Variants in CXCL17 observed in about 807,000 individuals in gnomAD.
CXCL17 encodes C-X-C motif chemokine 17.
A neutral mutation model predicts 15.5 loss-of-function variants in CXCL17; 9 were observed. The observed-to-expected ratio is 0.58, with a 90% CI of 0.35 to 1.01. The LOEUF is 1.01. CXCL17 is among the 50% of genes least tolerant of loss of function. CXCL17 has a pLI of 0.02. For synonymous variants in CXCL17, 52 were observed against 52.3 expected (o/e 0.99, Z 0.02); for missense variants, 133 against 138.2 (o/e 0.96, Z 0.19).
chr19:42,433,010 GGGGCACTGCTTC>G lies in CXCL17; in HGVS notation c.216_227del (p.Lys72_Pro76delinsAsn), dbSNP rs2147694125. On this transcript the variant is annotated inframe_deletion, in exon 3 of 4. Coordinates refer to ENST00000601181, the MANE Select transcript of CXCL17 (RefSeq NM_198477.3). ...TCACATTGCCCTTGAAATGATCACA[GGGGCACTGCTTC>G]TTTGGCAGCCCAGACACTGTCATGA... 1 of 1,613,996 alleles carries G rather than the reference GGGGCACTGCTTC, an allele frequency of 6.2e-7. No homozygotes were observed. The highest frequency in any genetic ancestry group is 1.1e-5 in the South Asian group (1 of 91,072).
Position 42,432,523 on chromosome 19 carries a change from C to A in CXCL17, c.262+453G>T, listed in dbSNP as rs562430963. 9.9e-5 allele frequency among the ~76,000 whole-genome samples: 15 copies of A among 152,194 alleles called. No homozygotes were observed. The South Asian group carries it at 3.1e-3, about 32-fold the overall frequency. On this transcript the variant is annotated intron_variant, in intron 3 of 3. Coordinates refer to ENST00000601181, the MANE Select transcript of CXCL17 (RefSeq NM_198477.3). The stretch of plus-strand genomic sequence containing the variant: ...GTGGTGTGTACCTCTAACCCCAGAT[C>A]CTTGGGAGGCTGTGGTGGAAGGATC...
At chr19:42,435,903 A>G (rs2040830281) in intron 1 of CXCL17, among the ~76,000 whole-genome samples, 2 of 151,380 alleles carry the variant, frequency 1.3e-5, no homozygotes, top group South Asian at 4.2e-4. Context: ...AGATAAGAGG[A>G]GAAGTCCACT....
At chr19:42,435,512 A>C (rs995780216) in intron 1 of CXCL17, among the ~76,000 whole-genome samples, 4 of 151,888 alleles carry the variant, frequency 2.6e-5, no homozygotes, top group African/African-American at 9.7e-5. Context: ...TGGGCCCTAC[A>C]CCAGTCTGCC....
intron 1 of CXCL17, among the ~76,000 whole-genome samples, chr19:42,441,626 G>T (rs369759933): frequency 1.3e-5 from 2 of 152,154 alleles, no homozygotes; most frequent in Non-Finnish European, 2.9e-5. Context: ...CAAAGGAGGG[G>T]ATGTTGGAAA....
chr19:42,432,226 C>T (rs2040790148), intron 3 of CXCL17, among the ~76,000 whole-genome samples: 2 of 145,798 alleles, frequency 1.4e-5, no homozygotes, highest in African/African-American at 5.1e-5. Flanking sequence ...CTCTCTGCAA[C>T]CTCCACCTCC....
chr19:42,430,236 C>G (rs758972284), intron 3 of CXCL17, among the ~76,000 whole-genome samples: 10 of 152,054 alleles, frequency 6.6e-5, no homozygotes, highest in Non-Finnish European at 1.3e-4. Context: ...TCATAGAAAC[C>G]TATACATGCA....
chr19:42,433,268 C>CTTTGGGCAAGGTTTGGGCAAGGG (rs2040801391), intron 2 of CXCL17, among the ~76,000 whole-genome samples, 191 bp from the exon 3 acceptor site: 1 of 152,132 alleles, frequency 6.6e-6, no homozygotes, highest in African/African-American at 2.4e-5. Context: ...TTCCTGACAA[C>CTTTGGGCAAGGTTTGGGCAAGGG]TTTGGGCAAG....
chr19:42,436,918 T>A (rs1340807273), intron 1 of CXCL17, among the ~76,000 whole-genome samples: 2 of 152,174 alleles, frequency 1.3e-5, no homozygotes, highest in Non-Finnish European at 2.9e-5. Flanking sequence ...TACTAATGTT[T>A]AAATTTTTTT....
chr19:42,441,348 G>A (rs186634293), intron 1 of CXCL17, among the ~76,000 whole-genome samples: 22 of 152,306 alleles, frequency 1.4e-4, no homozygotes, highest in Non-Finnish European at 2.6e-4. Context: ...AGGTGGTTTT[G>A]AGCTGGGTGT....
intron 1 of CXCL17, among the ~76,000 whole-genome samples, chr19:42,434,164 G>A (rs73556356): frequency 0.073 from 11,061 of 152,014 alleles, 1,301 homozygotes; most frequent in African/African-American, 0.25. Flanking sequence ...AGGGATTGAG[G>A]TTTAAAATCT....
intron 1 of CXCL17, among the ~76,000 whole-genome samples, chr19:42,436,848 A>G (rs1448923275): frequency 1.3e-5 from 2 of 152,172 alleles, no homozygotes; most frequent in Non-Finnish European, 2.9e-5. Context: ...TTTTCTTGAG[A>G]GAGAGTTCCC....
intron 1 of CXCL17, among the ~76,000 whole-genome samples, chr19:42,437,266 T>C (rs1384256960): frequency 6.6e-6 from 1 of 152,206 alleles, no homozygotes; most frequent in Non-Finnish European, 1.5e-5. Flanking sequence ...AACAAATTTA[T>C]TTTGCAAAAC....
At chr19:42,439,946 A>G (rs2040875325) in intron 1 of CXCL17, among the ~76,000 whole-genome samples, 1 of 152,180 alleles carries the variant, frequency 6.6e-6, no homozygotes, top group Admixed American at 6.6e-5. Context: ...AGATTAGTTA[A>G]TATTATGGTA....
rs1200315208 is a variant in CXCL17, at chr19:42,431,919, A to G, written c.262+1057T>C. ...ATTTCCCCCATTTATTTGTCAATACAAATACTGCTATAATTAATATTCTTG... is the reference window on the plus strand; with the variant it reads ...ATTTCCCCCATTTATTTGTCAATACGAATACTGCTATAATTAATATTCTTG... On this transcript the variant is annotated intron_variant, in intron 3 of 3. Transcript: ENST00000601181. 2.0e-5 allele frequency among the ~76,000 whole-genome samples: 3 copies of G among 151,554 alleles called. No homozygotes were observed. In the East Asian group the frequency reaches 5.8e-4, roughly 29 times the overall value.
chr19:42,439,625 A>G (rs1051980464), intron 1 of CXCL17, among the ~76,000 whole-genome samples: 2 of 152,220 alleles, frequency 1.3e-5, no homozygotes, highest in African/African-American at 4.8e-5. Flanking sequence ...CTCATCAGTA[A>G]TGAGAGATAT....
chr19:42,434,258 A>G (rs910917272), intron 1 of CXCL17, among the ~76,000 whole-genome samples: 7 of 152,240 alleles, frequency 4.6e-5, no homozygotes, highest in African/African-American at 1.7e-4. Context: ...AGGTGGAGAA[A>G]GAATGGCTTC....
intron 3 of CXCL17, among the ~76,000 whole-genome samples, chr19:42,429,426 T>C (rs2040753869): frequency 6.6e-6 from 1 of 152,060 alleles, no homozygotes; most frequent in Non-Finnish European, 1.5e-5. Context: ...TCTCCCAGAT[T>C]CAAGCGATTC....
At chr19:42,441,425 G>T (rs1261556118) in intron 1 of CXCL17, among the ~76,000 whole-genome samples, 2 of 152,178 alleles carry the variant, frequency 1.3e-5, no homozygotes, top group Non-Finnish European at 2.9e-5. Context: ...GGTTAGTTTG[G>T]TTGGAGAAAT....
intron 3 of CXCL17, among the ~76,000 whole-genome samples, chr19:42,429,934 G>A (rs554877917): frequency 1.3e-5 from 2 of 152,190 alleles, no homozygotes; most frequent in African/African-American, 2.4e-5. Context: ...TTGGGAGGCC[G>A]AGGTGGGCAG....
Sources: gnomAD v4.1 joint callset for allele counts (sites outside exome capture counted in the v4.1 genomes callset) on GRCh38, gnomAD v4.1.1 for gene constraint, MANE v1.5 for transcripts, NCBI Gene and HGNC (gene_info 2026-07-23, HGNC 2026-07-21) for gene names.